CTTN: variants seen among roughly 807,000 people sequenced by gnomAD.
The protein encoded by CTTN is src substrate cortactin.
A neutral mutation model predicts 84.0 loss-of-function variants in CTTN; 28 were observed. The observed-to-expected ratio is 0.33, with a 90% CI of 0.25 to 0.46. CTTN has a LOEUF of 0.46. Ranked by LOEUF, CTTN falls within the 20% of genes least tolerant of loss-of-function variation. CTTN has a pLI of 1.00. For synonymous variants in CTTN, 301 were observed against 288.8 expected, an observed-to-expected ratio of 1.04 and a Z score of -0.43; for missense variants, 641 against 723.8, an observed-to-expected ratio of 0.89 and a Z score of 1.31.
intron 5 of CTTN, 25 bp from the exon 6 acceptor site, chr11:70,414,517 G>A (rs1482644703): frequency 6.4e-7 from 1 of 1,567,660 alleles, no homozygotes; most frequent in South Asian, 1.1e-5. Flanking sequence ...GGTGTCTAAT[G>A]CTTTGTGTTT....
In CTTN at chr11:70,429,118, C is replaced by G. The variant is rs375954158; in HGVS notation, c.1095C>G (p.Asp365Glu). The G allele has an allele frequency of 7.7e-5, 125 of 1,614,036 alleles. No homozygotes were observed. The highest frequency in any genetic ancestry group is 1.0e-4 in the Non-Finnish European group (121 of 1,180,044). Reference sequence around the variant, plus strand: ...TCGCTAAGGAGAAAGAGCAGGAGGACAGGCGGAAGGCGGAGGCGGAGAGAG... The same window carrying G: ...TCGCTAAGGAGAAAGAGCAGGAGGAGAGGCGGAAGGCGGAGGCGGAGAGAG... ...ENLAKEKEQEDRRKAEAERAQ... is the reference protein window; with the variant it reads ...ENLAKEKEQEERRKAEAERAQ... The change falls in exon 14 of 18, where the codon GAC becomes GAG. Residue 365 changes from aspartate (D) to glutamate (E), a missense_variant. Physicochemically the swap from Asp to Glu is conservative, Grantham distance 45. Coordinates refer to ENST00000301843, the MANE Select transcript of CTTN (RefSeq NM_005231.4).
chr11:70,429,904 TC>T (rs2135593875), intron 14 of CTTN, among the ~76,000 whole-genome samples: 1 of 152,194 alleles, frequency 6.6e-6, no homozygotes, highest in African/African-American at 2.4e-5. Flanking sequence ...AGCTGGGGCA[TC>T]TGCAGTGTGG....
chr11:70,424,131 G>A (rs1443406569), intron 12 of CTTN, among the ~76,000 whole-genome samples: 2 of 152,154 alleles, frequency 1.3e-5, no homozygotes, highest in African/African-American at 4.8e-5. Flanking sequence ...TCCGGGTGGC[G>A]TGCAGAGTTG....
chr11:70,417,251 G>C (rs1424693427), intron 8 of CTTN, 128 bp downstream of exon 8: 1 of 700,852 alleles, frequency 1.4e-6, no homozygotes, highest in Non-Finnish European at 2.5e-6. Context: ...TTTCGTACCA[G>C]TGTATGTGGG....
At chr11:70,415,207 A>G (rs971523169) in intron 6 of CTTN, among the ~76,000 whole-genome samples, 11 of 152,120 alleles carry the variant, frequency 7.2e-5, no homozygotes, top group Admixed American at 6.5e-4. Flanking sequence ...TTCTGAATTT[A>G]TGTGTCTGTG....
At chr11:70,432,705 T>C (rs891904633) in intron 15 of CTTN, among the ~76,000 whole-genome samples, 1 of 152,170 alleles carries the variant, frequency 6.6e-6, no homozygotes, top group South Asian at 2.1e-4. Flanking sequence ...GGCAGGAGGG[T>C]GGCCGCTCGG....
intron 13 of CTTN, 79 bp from the exon 14 acceptor site, chr11:70,428,970 ACT>A (rs2058326419): frequency 1.3e-6 from 2 of 1,542,058 alleles, no homozygotes; most frequent in African/African-American, 1.4e-5. Flanking sequence ...TGGGGAGGTC[ACT>A]CTGTGTGGGT....
chr11:70,407,441 G>A, intron 3 of CTTN, 57 bp downstream of exon 3: 2 of 1,613,084 alleles, frequency 1.2e-6, no homozygotes, highest in Non-Finnish European at 1.7e-6. Flanking sequence ...GCTCTCCTGG[G>A]TTTTTCTTTG....
chr11:70,405,266 C>T lies in CTTN; in HGVS notation c.-96C>T, dbSNP rs993879505. On this transcript the variant is annotated splice_region_variant and 5_prime_UTR_variant, in exon 2 of 18. It adds an upstream start codon to the 5' untranslated region. Transcript: ENST00000301843. ...TTTTTACCCTTAATCTTTTTACAGA[C>T]GGAATCAGTCCCCAATGCCTGGAAA... is the stretch of plus-strand genomic sequence containing the variant. The T allele has an allele frequency of 2.0e-5, 3 of 152,126 alleles. No individual in the cohort carries two copies. The highest frequency in any genetic ancestry group is 2.1e-4 in the South Asian group (1 of 4,824). The allele number at this position is 152,126 out of a possible 1,614,324, so 9.4% of individuals were successfully genotyped here.
In CTTN at chr11:70,436,487, G is replaced by A. The variant is rs2058418680; in HGVS notation, c.*1325G>A. The stretch of plus-strand genomic sequence containing the variant: ...TGAGCAATGAGGTCGGGTTTTATAT[G>A]CAACTTATTGTATCTGAATTCCTGT... On this transcript the variant is annotated 3_prime_UTR_variant, in exon 18 of 18. Transcript: ENST00000301843. 5.7e-6 allele frequency: 7 copies of A among 1,223,246 alleles called. No individual in the cohort carries two copies. The highest frequency in any genetic ancestry group is 8.2e-6 in the Non-Finnish European group (7 of 856,962). The allele number at this position is 1,223,246 out of a possible 1,614,324, so 75.8% of individuals were successfully genotyped here.
chr11:70,426,423 A>AG (rs1419700780), intron 13 of CTTN, among the ~76,000 whole-genome samples: 23 of 151,838 alleles, frequency 1.5e-4, no homozygotes, highest in African/African-American at 5.6e-4. Context: ...AAAAAAAAAA[A>AG]AAAGAGAGAG....
At chr11:70,421,428 C>T (rs2058235014) in intron 10 of CTTN, 42 bp from the exon 11 acceptor site, 1 of 1,390,036 alleles carries the variant, frequency 7.2e-7, no homozygotes, top group Non-Finnish European at 1.0e-6. Flanking sequence ...ACTGTGTTTC[C>T]TCTTTTGGTT....
intron 1 of CTTN, among the ~76,000 whole-genome samples, chr11:70,399,590 A>G (rs962385608): frequency 1.4e-4 from 21 of 152,196 alleles, no homozygotes; most frequent in African/African-American, 5.1e-4. Context: ...TGTGTTTAAA[A>G]TCACCAGAAC....
In CTTN at chr11:70,422,569, G is replaced by A. The variant is rs79048833; in HGVS notation, c.902-371G>A. ...GCTCAGTAGAGCAGGCGCACAGGAA[G>A]CAGATGAGAATAAGCCCGTGCTGGT... On this transcript the variant is annotated intron_variant, in intron 11 of 17. Coordinates refer to ENST00000301843, the MANE Select transcript of CTTN (RefSeq NM_005231.4). 5.8e-3 allele frequency: 7,599 copies of A among 1,304,558 alleles called. 21 individuals carry two copies. The highest frequency in any genetic ancestry group is 7.2e-3 in the Non-Finnish European group (7,199 of 999,068). 80.8% of individuals were successfully genotyped at this position (1,304,558 alleles called of 1,614,324 possible).
chr11:70,429,358 C>G (rs576833707), intron 14 of CTTN, among the ~76,000 whole-genome samples, 159 bp downstream of exon 14: 1 of 152,308 alleles, frequency 6.6e-6, no homozygotes, highest in East Asian at 1.9e-4. Flanking sequence ...AGGCACTTGT[C>G]ACTTGCAGCC....
intron 14 of CTTN, 46 bp downstream of exon 14, chr11:70,429,245 T>C (rs747481502): frequency 6.3e-7 from 1 of 1,579,186 alleles, no homozygotes; most frequent in South Asian, 1.1e-5. Flanking sequence ...CTGGGACCTG[T>C]GCCGAGGGGA....
intron 1 of CTTN, among the ~76,000 whole-genome samples, chr11:70,404,794 G>A (rs1032527721): frequency 6.6e-6 from 1 of 152,162 alleles, no homozygotes; most frequent in Non-Finnish European, 1.5e-5. Flanking sequence ...CCTGAGGTCG[G>A]GAGTTTGAGA....
At chr11:70,400,021 C>T (rs1047822113) in intron 1 of CTTN, among the ~76,000 whole-genome samples, 3 of 152,178 alleles carry the variant, frequency 2.0e-5, no homozygotes, top group African/African-American at 7.2e-5. Flanking sequence ...TGTTTCTCCT[C>T]TGGTTAGAGA....
chr11:70,432,786 G>A (rs566429359), intron 15 of CTTN, among the ~76,000 whole-genome samples: 3 of 152,296 alleles, frequency 2.0e-5, no homozygotes, highest in South Asian at 4.1e-4. Flanking sequence ...ACCCAACAAA[G>A]ACAGGCTCTA....
Sources: allele counts gnomAD v4.1 joint callset (sites outside exome capture counted in the v4.1 genomes callset), GRCh38; gene constraint gnomAD v4.1.1; transcripts MANE v1.5; gene names NCBI Gene and HGNC (gene_info 2026-07-23, HGNC 2026-07-21).